The following PARP4 variants were observed in gnomAD, a reference collection of about 807,000 sequenced individuals.
PARP4 encodes the protein protein mono-ADP-ribosyltransferase PARP4.
PARP4 carries 120 observed loss-of-function variants against 187.7 expected under a neutral mutation model. The observed-to-expected ratio is 0.64, with a 90% CI of 0.55 to 0.74. The LOEUF (loss-of-function observed/expected upper bound fraction) is 0.74. Among genes scored for constraint, PARP4 ranks in the 30% least tolerant of loss-of-function variants. PARP4 has a pLI of 0.00. For missense variants in PARP4, 1,836 were observed against 2,070.5 expected (o/e 0.89, Z 2.20); for synonymous variants, 654 against 740.9 (o/e 0.88, Z 1.90).
At position 24,492,443 on chromosome 13, in the gene PARP4, G is replaced by A; in HGVS notation, c.1031C>T (p.Ala344Val). 6.2e-7 allele frequency: 1 copy of A among 1,613,336 alleles called. No homozygotes were observed. Among genetic ancestry groups the A allele is most frequent in the Non-Finnish European group, 8.5e-7 (1 of 1,179,612 alleles). ...MPKEVNLGLL[A>V]KKADLCQLIR... ...TACCTGGCAGAGGTCTGCTTTCTTAGCCAATAGTCCCAGGTTCACTTCTTT... is the reference window on the plus strand; with the variant it reads ...TACCTGGCAGAGGTCTGCTTTCTTAACCAATAGTCCCAGGTTCACTTCTTT... The change falls in exon 9 of 34, where the codon GCT becomes GTT. Residue 344 changes from alanine (A) to valine (V), a missense_variant. Ala to Val is a moderately conservative substitution (Grantham distance 64). Transcript: ENST00000381989.
At chr13:24,459,547 GCACACA>G (rs1206368070) in intron 18 of PARP4, 1 of 228,948 alleles carries the variant, frequency 4.4e-6, no homozygotes, top group African/African-American at 3.2e-5. Flanking sequence ...ACACACACAC[GCACACA>G]CACACACACA....
Position 24,434,996 on chromosome 13 carries a change from G to A in PARP4, c.4145C>T (p.Ser1382Phe), listed in dbSNP as rs1393212959. 1 of 1,613,878 alleles carries A rather than the reference G, an allele frequency of 6.2e-7. No homozygotes were observed. The highest frequency in any genetic ancestry group is 8.5e-7 in the Non-Finnish European group (1 of 1,179,966). Residue 1382 changes from serine to phenylalanine, a missense_variant, in exon 31 of 34, where the codon TCT becomes TTT. Physicochemically the swap from Ser to Phe is radical, Grantham distance 155. This residue lies in a region of PARP4 where 450 missense variants were observed against 439.2 expected (regional missense o/e 1.02). Transcript: ENST00000381989. ...GTTCTGGGGAGGTCCTGTGGGACAA[G>A]ACGCCGACTGTGGGATCCAGTCAGC... ...TCADWIPQSASCPTGPPQNPP... is the reference protein window; with the variant it reads ...TCADWIPQSAFCPTGPPQNPP...
intron 5 of PARP4, 95 bp from the exon 6 acceptor site, chr13:24,498,324 C>A: frequency 4.3e-6 from 3 of 695,648 alleles, no homozygotes; most frequent in South Asian, 3.8e-5. Flanking sequence ...AAAATATGTT[C>A]ATTTAGAGAT....
intron 17 of PARP4, among the ~76,000 whole-genome samples, chr13:24,461,353 T>C (rs1872207119): frequency 6.6e-6 from 1 of 152,168 alleles, no homozygotes; most frequent in South Asian, 2.1e-4. Context: ...TGCCACTTAA[T>C]AGAGTGGGAT....
At chr13:24,451,336 T>C (rs1464492375) in intron 24 of PARP4, among the ~76,000 whole-genome samples, 2 of 152,210 alleles carry the variant, frequency 1.3e-5, no homozygotes, top group Admixed American at 6.5e-5. Context: ...TATTTCTTCA[T>C]TGGCCTGTGA....
At chr13:24,431,563 G>C in intron 31 of PARP4, 87 bp from the exon 32 acceptor site, 1 of 840,930 alleles carries the variant, frequency 1.2e-6, no homozygotes, top group African/African-American at 1.7e-5. Context: ...AGTGGGGCAA[G>C]GGTTGAAAAA....
At chr13:24,423,537 T>A (rs1346939630) in intron 33 of PARP4, among the ~76,000 whole-genome samples, 6 of 135,164 alleles carry the variant, frequency 4.4e-5, no homozygotes, top group African/African-American at 1.5e-4. Context: ...CCTCAAAAAA[T>A]AAATAAATAA....
intron 12 of PARP4, among the ~76,000 whole-genome samples, chr13:24,479,259 G>GA (rs369304493): frequency 8.7e-5 from 13 of 149,294 alleles, no homozygotes; most frequent in South Asian, 4.2e-4. Context: ...TTCACCTACT[G>GA]AAAAAAAAAA....
At chr13:24,463,201 CAT>C (rs1194934835) in intron 17 of PARP4, among the ~76,000 whole-genome samples, 1 of 152,018 alleles carries the variant, frequency 6.6e-6, no homozygotes, top group Non-Finnish European at 1.5e-5. Flanking sequence ...GCTCAGAAAC[CAT>C]ATAAGCCAGA....
In PARP4 at chr13:24,452,395, C is replaced by G; in HGVS notation, c.3014+11G>C. The G allele has an allele frequency of 6.8e-6, 11 of 1,607,010 alleles. No individual in the cohort carries two copies. Among genetic ancestry groups the G allele is most frequent in the Non-Finnish European group, 9.3e-6 (11 of 1,176,650 alleles). ...GGGTCTGGACTATGTGACCAGCTCTCTGAGACTCACCCGATACCGCAGGCG... is the reference window on the plus strand; with the variant it reads ...GGGTCTGGACTATGTGACCAGCTCTGTGAGACTCACCCGATACCGCAGGCG... On this transcript the variant is annotated intron_variant, in intron 24 of 33. Coordinates refer to ENST00000381989, the MANE Select transcript of PARP4 (RefSeq NM_006437.4).
At chr13:24,437,523 A>G (rs1294129875) in intron 30 of PARP4, among the ~76,000 whole-genome samples, 2 of 152,206 alleles carry the variant, frequency 1.3e-5, no homozygotes, top group South Asian at 4.1e-4. Context: ...ATAAATAAAA[A>G]AATGACTAAA....
intron 8 of PARP4, 82 bp downstream of exon 8, chr13:24,493,514 T>C (rs1868779130): frequency 7.4e-7 from 1 of 1,350,114 alleles, no homozygotes; most frequent in Non-Finnish European, 1.0e-6. Flanking sequence ...CAGGCCAGCA[T>C]GCAAACACAC....
rs751669642 is a variant in PARP4 at position 24,431,414 on chromosome 13, C to T, written c.4809G>A (p.Leu1603=). The part of the protein sequence containing the change: ...GLILNLNTNG[L]HSFLKQKGIQ... ...TGCCTTTTTGTTTAAGAAAGCTGTG[C>T]AAACCATTTGTATTAAGATTTAATA... Residue 1603 remains leucine (L), a synonymous_variant, in exon 32 of 34, where the codon TTG becomes TTA. Transcript: ENST00000381989. 2 of 1,601,454 alleles carry T rather than the reference C, an allele frequency of 1.2e-6. No homozygotes were observed. Among genetic ancestry groups the T allele is most frequent in the Non-Finnish European group, 1.7e-6 (2 of 1,175,856 alleles).
chr13:24,507,123 G>A (rs554230246), intron 1 of PARP4, among the ~76,000 whole-genome samples: 5 of 152,322 alleles, frequency 3.3e-5, no homozygotes, highest in East Asian at 3.9e-4. Context: ...CCCAGCCCAC[G>A]CCCAACCGGA....
At position 24,459,296 on chromosome 13, in the gene PARP4, C is replaced by T. The variant is rs763040933; in HGVS notation, c.2313G>A (p.Lys771=). ...LNENLQDTVE[K]ICIKEIGTKQ... The stretch of plus-strand genomic sequence containing the variant: ...TTGTTCCTATTTCTTTTATACAAAT[C>T]TTCTCTACTGTATCCTGTTAAAAGA... The change falls in exon 19 of 34, where the codon AAG becomes AAA. Residue 771 remains lysine, a synonymous_variant. Coordinates refer to ENST00000381989, the MANE Select transcript of PARP4 (RefSeq NM_006437.4). 28 of 1,571,030 alleles carry T rather than the reference C, an allele frequency of 1.8e-5. No homozygotes were observed. Among genetic ancestry groups the T allele is most frequent in the Non-Finnish European group, 2.3e-5 (27 of 1,151,938 alleles).
chr13:24,496,147 C>T lies in PARP4; in HGVS notation c.592-1425G>A, dbSNP rs116186200. Among the ~76,000 whole-genome samples the T allele has an allele frequency of 4.9e-3, 746 of 152,264 alleles. 8 individuals are homozygous for T. The highest frequency in any genetic ancestry group is 0.017 in the African/African-American group (716 of 41,574). Reference sequence around the variant, plus strand: ...ACCCTGAGGGATGTCCTGGCCTAAACGATGCTATGGTTTTCTTTCTCAATG... The same window carrying T: ...ACCCTGAGGGATGTCCTGGCCTAAATGATGCTATGGTTTTCTTTCTCAATG... On this transcript the variant is annotated intron_variant, in intron 6 of 33. Transcript: ENST00000381989.
intron 30 of PARP4, among the ~76,000 whole-genome samples, chr13:24,441,479 AAACTTT>A (rs1189286692): frequency 2.6e-5 from 4 of 152,272 alleles, no homozygotes; most frequent in Non-Finnish European, 5.9e-5. Context: ...AAAGCACTAT[AAACTTT>A]AAGAAATATT....
chr13:24,501,594 C>A, intron 3 of PARP4, 39 bp downstream of exon 3: 17 of 1,370,458 alleles, frequency 1.2e-5, no homozygotes, highest in Non-Finnish European at 1.8e-5. Flanking sequence ...TGTACTATGG[C>A]ACCTATGATA....
chr13:24,501,488 T>C (rs1045364171), intron 3 of PARP4, 145 bp downstream of exon 3: 1 of 620,004 alleles, frequency 1.6e-6, no homozygotes, highest in Non-Finnish European at 2.8e-6. Context: ...TTGTCCTTTG[T>C]TATTTTTCTG....
Sources: gnomAD v4.1 joint callset for allele counts (sites outside exome capture counted in the v4.1 genomes callset) on GRCh38, gnomAD v4.1.1 for gene constraint, gnomAD v4.1.1 regional missense constraint, MANE v1.5 for transcripts, NCBI Gene and HGNC (gene_info 2026-07-23, HGNC 2026-07-21) for gene names.